The following ATRNL1 variants were observed in gnomAD, a reference collection of about 807,000 sequenced individuals.
The protein encoded by ATRNL1 is attractin-like protein 1.
Under a neutral mutation model 182.7 loss-of-function variants are expected in ATRNL1, and 95 were observed. That is an observed-to-expected ratio of 0.52 (90% CI 0.44 to 0.62). The LOEUF is 0.62. ATRNL1 is among the 20% of genes least tolerant of loss of function. The pLI, the probability that ATRNL1 is intolerant of heterozygous loss-of-function variation, is 0.00. For synonymous variants in ATRNL1, 576 were observed against 568.3 expected, an observed-to-expected ratio of 1.01 and a Z score of -0.19; for missense variants, 1,471 against 1,679.5, an observed-to-expected ratio of 0.88 and a Z score of 2.17.
intron 21 of ATRNL1, among the ~76,000 whole-genome samples, chr10:115,433,155 G>A (rs1318266731): frequency 6.6e-6 from 1 of 151,852 alleles, no homozygotes; most frequent in African/African-American, 2.4e-5. Context: ...AGAGTTCATG[G>A]TGGAATTTTG....
At chr10:115,671,232 A>G (rs974897179) in intron 26 of ATRNL1, among the ~76,000 whole-genome samples, 2 of 152,118 alleles carry the variant, frequency 1.3e-5, no homozygotes, top group African/African-American at 2.4e-5. Flanking sequence ...TGAATTTCCT[A>G]TCAAGTATTT....
At chr10:115,813,608 C>T (rs1950098329) in intron 27 of ATRNL1, among the ~76,000 whole-genome samples, 2 of 151,912 alleles carry the variant, frequency 1.3e-5, no homozygotes, top group Non-Finnish European at 2.9e-5. Context: ...TAGATTATCA[C>T]TAACATTTAA....
chr10:115,459,052 T>C (rs1318933500), intron 21 of ATRNL1, among the ~76,000 whole-genome samples: 2 of 152,160 alleles, frequency 1.3e-5, no homozygotes, highest in Non-Finnish European at 2.9e-5. Context: ...TAAACATAAA[T>C]TGTAAAGATT....
chr10:115,614,848 G>T lies in ATRNL1; in HGVS notation c.3795+65312G>T, dbSNP rs376715444. 2.6e-4 allele frequency among the ~76,000 whole-genome samples: 39 copies of T among 152,104 alleles called. 1 individual carries two copies. In the South Asian group the frequency reaches 7.9e-3, roughly 31 times the overall value. On this transcript the variant is annotated intron_variant, in intron 26 of 28. Coordinates refer to ENST00000355044, the MANE Select transcript of ATRNL1 (RefSeq NM_207303.4). ...GATATAAGTATGGTACTCCTGCATG[G>T]TTTTGTTTTCCATTTGCCTGGAATA...
At chr10:115,542,193 C>T (rs927738578) in intron 25 of ATRNL1, among the ~76,000 whole-genome samples, 23 of 152,006 alleles carry the variant, frequency 1.5e-4, no homozygotes, top group Non-Finnish European at 8.8e-5. Context: ...GAGACTACTC[C>T]ATTTTCTGTA....
Position 115,302,034 on chromosome 10 carries a change from ACCTGCTC to A in ATRNL1, c.2812_2818del (p.Cys938LeufsTer7). ...ACAATGTCTAGAGTGGCAAACTGCC[ACCTGCTC>A]CCGTAAGTATTTATCTAGAGTGACT... On this transcript the variant is annotated frameshift_variant and splice_region_variant, in exon 17 of 29. Transcript: ENST00000355044. LOFTEE classifies it high-confidence loss of function. 6.2e-7 allele frequency: 1 copy of A among 1,612,180 alleles called. No individual in the cohort carries two copies. Among genetic ancestry groups the A allele is most frequent in the Non-Finnish European group, 8.5e-7 (1 of 1,179,152 alleles).
chr10:115,694,998 A>C (rs975653761), intron 26 of ATRNL1, among the ~76,000 whole-genome samples: 1 of 151,874 alleles, frequency 6.6e-6, no homozygotes, highest in African/African-American at 2.4e-5. Context: ...CCTTAGAGAT[A>C]AAAGGGGTTG....
intron 26 of ATRNL1, among the ~76,000 whole-genome samples, chr10:115,644,202 A>G (rs1170206101): frequency 6.6e-6 from 1 of 152,192 alleles, no homozygotes; most frequent in Non-Finnish European, 1.5e-5. Context: ...AAAAGAAGCA[A>G]AATTTCAAAA....
chr10:115,105,640 C>T lies in ATRNL1; in HGVS notation c.293+11597C>T, dbSNP rs143948990. The stretch of plus-strand genomic sequence containing the variant: ...TCCTGTGCTGTATGCAGCCTAGGGA[C>T]TTGGTGTCCCTTGTCCCAGCTGCTC... On this transcript the variant is annotated intron_variant, in intron 1 of 28. Transcript: ENST00000355044. 2.4e-4 allele frequency among the ~76,000 whole-genome samples: 36 copies of T among 152,322 alleles called. 1 individual carries two copies. The highest frequency in any genetic ancestry group is 8.2e-4 in the African/African-American group (34 of 41,574).
At chr10:115,647,638 G>A (rs1363442474) in intron 26 of ATRNL1, among the ~76,000 whole-genome samples, 1 of 152,072 alleles carries the variant, frequency 6.6e-6, no homozygotes. Flanking sequence ...CCCACTTTTT[G>A]ATGGGGTTGT....
intron 27 of ATRNL1, among the ~76,000 whole-genome samples, chr10:115,829,109 T>C (rs1241832429): frequency 6.6e-6 from 1 of 151,884 alleles, no homozygotes; most frequent in East Asian, 1.9e-4. Flanking sequence ...CCAAAAGCCA[T>C]AAGTGAAGAT....
chr10:115,544,366 A>T (rs1852527065), intron 25 of ATRNL1, among the ~76,000 whole-genome samples: 1 of 152,182 alleles, frequency 6.6e-6, no homozygotes. Flanking sequence ...CTGAGTCTGG[A>T]TAAATTATAA....
intron 26 of ATRNL1, among the ~76,000 whole-genome samples, chr10:115,644,424 A>T (rs1156926804): frequency 6.6e-6 from 1 of 152,166 alleles, no homozygotes; most frequent in Admixed American, 6.5e-5. Context: ...TAGGCATTTT[A>T]AACTCATTTT....
chr10:115,758,874 G>C (rs1342646424), intron 27 of ATRNL1, among the ~76,000 whole-genome samples: 1 of 152,126 alleles, frequency 6.6e-6, no homozygotes, highest in African/African-American at 2.4e-5. Flanking sequence ...AATTCTTATG[G>C]GTGTACATAA....
At chr10:115,846,954 T>C (rs1950942849) in intron 27 of ATRNL1, among the ~76,000 whole-genome samples, 1 of 152,152 alleles carries the variant, frequency 6.6e-6, no homozygotes, top group Non-Finnish European at 1.5e-5. Flanking sequence ...TCAATATATG[T>C]CATGCACTTT....
rs1012190949 is a variant in ATRNL1 at position 115,469,195 on chromosome 10, A to G, written c.3520A>G (p.Thr1174Ala). Reference sequence around the variant, plus strand: ...AGCTGGAACAATATCTGGGGAAGAGACTTCTATAGTTTCCAAGAATAATAT... The same window carrying G: ...AGCTGGAACAATATCTGGGGAAGAGGCTTCTATAGTTTCCAAGAATAATAT... ...STAGTISGEE[T>A]SIVSKNNIKE... The change falls in exon 24 of 29, where the codon ACT becomes GCT. Residue 1174 changes from threonine (T) to alanine (A), a missense_variant. Around this residue, in one of 3 missense-constraint regions of ATRNL1, gnomAD observed 437 missense variants for 506.0 expected, o/e 0.86. Coordinates refer to ENST00000355044, the MANE Select transcript of ATRNL1 (RefSeq NM_207303.4). 1 of 1,295,638 alleles carries G rather than the reference A, an allele frequency of 7.7e-7. No homozygotes were observed. The highest frequency in any genetic ancestry group is 1.0e-6 in the Non-Finnish European group (1 of 972,544). The allele number at this position is 1,295,638 out of a possible 1,614,324, so 80.3% of individuals were successfully genotyped here. A position where few individuals can be genotyped will look rare whatever the true frequency, so the allele number is the denominator to read the frequency against.
chr10:115,829,114 G>T (rs1207206563), intron 27 of ATRNL1, among the ~76,000 whole-genome samples: 1 of 151,828 alleles, frequency 6.6e-6, no homozygotes, highest in Admixed American at 6.6e-5. Flanking sequence ...AGCCATAAGT[G>T]AAGATTTATA....
chr10:115,578,434 C>T (rs1482659632), intron 26 of ATRNL1, among the ~76,000 whole-genome samples: 3 of 151,558 alleles, frequency 2.0e-5, no homozygotes, highest in East Asian at 3.9e-4. Flanking sequence ...ATCACTTTTT[C>T]TGTCATTGGT....
chr10:115,500,755 G>C (rs1412690132), intron 24 of ATRNL1, among the ~76,000 whole-genome samples: 4 of 151,682 alleles, frequency 2.6e-5, no homozygotes, highest in Non-Finnish European at 5.9e-5. Flanking sequence ...TGGTCAGGCT[G>C]GTCTCGAACT....
Sources: gnomAD v4.1 joint callset for allele counts (sites outside exome capture counted in the v4.1 genomes callset) on GRCh38, gnomAD v4.1.1 for gene constraint, gnomAD v4.1.1 regional missense constraint, MANE v1.5 for transcripts, NCBI Gene and HGNC (gene_info 2026-07-23, HGNC 2026-07-21) for gene names.